Variants in SLC9C2 observed in about 807,000 individuals in gnomAD.
The protein encoded by SLC9C2 is solute carrier family 9 member C2 (putative).
A neutral mutation model predicts 140.2 loss-of-function variants in SLC9C2; 75 were observed. The ratio of observed to expected loss-of-function variants is 0.53; its 90% confidence interval spans 0.44 to 0.65. The LOEUF is 0.65. Ranked by LOEUF, SLC9C2 falls within the 30% of genes least tolerant of loss-of-function variation. The pLI is 0.00. For synonymous variants in SLC9C2, 375 were observed against 420.9 expected (o/e 0.89, Z 1.34); for missense variants, 1,074 against 1,331.8 (o/e 0.81, Z 3.01).
Position 173,521,399 on chromosome 1 carries a change from C to G in SLC9C2, c.2641G>C (p.Glu881Gln). The change falls in exon 22 of 28, where the codon GAA (glutamate) becomes CAA (glutamine). Residue 881 changes from glutamate to glutamine, a missense_variant and splice_region_variant. Glu to Gln is a conservative substitution (Grantham distance 29). Transcript: ENST00000367714. ...TCAAAACAGGCAAGTTTGGCTCTTT[C>G]CTGAGTGGGAAAAAAAAAAACGAAA... ...GKDVLIDFFK[E>Q]RAKLACFDSG... 2 of 1,469,568 alleles carry G rather than the reference C, an allele frequency of 1.4e-6. No individual in the cohort carries two copies. The highest frequency in any genetic ancestry group is 1.5e-5 in the South Asian group (1 of 65,072). 91.0% of individuals were successfully genotyped at this position (1,469,568 alleles called of 1,614,324 possible).
rs1662884299 is a variant in SLC9C2 at position 173,546,837 on chromosome 1, A to G, written c.1557+852T>C. 2.0e-5 allele frequency among the ~76,000 whole-genome samples: 3 copies of G among 152,184 alleles called. No individual in the cohort carries two copies. In the South Asian group the frequency reaches 6.2e-4, roughly 32 times the overall value. On this transcript the variant is annotated intron_variant, in intron 13 of 27. Transcript: ENST00000367714. ...GGAATTATTGTTCACTTTTAAGTAT[A>G]ATGTTAGTATTTTATGTTTTTAAAA...
chr1:173,507,138 G>A (rs1412581755), intron 24 of SLC9C2, 97 bp from the exon 25 acceptor site: 8 of 972,298 alleles, frequency 8.2e-6, no homozygotes, highest in East Asian at 2.5e-5. Flanking sequence ...TTATTTGAGG[G>A]TGTCAGAAGG....
chr1:173,537,378 C>T (rs7556180), intron 13 of SLC9C2, among the ~76,000 whole-genome samples: 52,335 of 151,696 alleles, frequency 0.34, 11,150 homozygotes, highest in East Asian at 0.65. Context: ...CTGGGCAACA[C>T]GGTGAAACCC....
chr1:173,539,237 G>T (rs897141514), intron 13 of SLC9C2, among the ~76,000 whole-genome samples: 1 of 152,164 alleles, frequency 6.6e-6, no homozygotes, highest in African/African-American at 2.4e-5. Flanking sequence ...AAGCAGGAAG[G>T]AGGTATAGTC....
chr1:173,560,488 C>T (rs949577191), intron 9 of SLC9C2, among the ~76,000 whole-genome samples: 1 of 152,232 alleles, frequency 6.6e-6, no homozygotes, highest in Non-Finnish European at 1.5e-5. Flanking sequence ...TCCCTTGTCT[C>T]AGTGTGGGAT....
chr1:173,563,591 G>A (rs1388378757), intron 9 of SLC9C2, among the ~76,000 whole-genome samples: 2 of 152,146 alleles, frequency 1.3e-5, no homozygotes, highest in South Asian at 2.1e-4. Flanking sequence ...TACAGAGTAG[G>A]TGTGTGTATT....
intron 22 of SLC9C2, among the ~76,000 whole-genome samples, chr1:173,519,569 T>C (rs1660656927): frequency 6.6e-6 from 1 of 152,236 alleles, no homozygotes; most frequent in Non-Finnish European, 1.5e-5. Context: ...CAGACATTAT[T>C]GGACTATAGT....
chr1:173,545,838 T>C (rs1245328157), intron 13 of SLC9C2, among the ~76,000 whole-genome samples: 1 of 152,200 alleles, frequency 6.6e-6, no homozygotes, highest in East Asian at 1.9e-4. Flanking sequence ...ACCCCTTGAA[T>C]TGAGGCAGCC....
At chr1:173,573,376 T>C in intron 8 of SLC9C2, 51 bp from the exon 9 acceptor site, 1 of 1,286,620 alleles carries the variant, frequency 7.8e-7, no homozygotes. Context: ...CTTAAAAATA[T>C]ATTTTCCTTT....
Position 173,534,614 on chromosome 1 carries a change from ATC to A in SLC9C2, c.1842_1843del (p.Gln614HisfsTer71). ...AGGATAAATATATATCAAATTTATA[ATC>A]TGTCCTGTATATTCAAATTCTTCAG... On this transcript the variant is annotated frameshift_variant, in exon 16 of 28. Coordinates refer to ENST00000367714, the MANE Select transcript of SLC9C2 (RefSeq NM_178527.4). LOFTEE classifies it high-confidence loss of function. 6.3e-7 allele frequency: 1 copy of A among 1,583,278 alleles called. No homozygotes were observed. The highest frequency in any genetic ancestry group is 8.6e-7 in the Non-Finnish European group (1 of 1,166,260).
rs74345758 is a variant in SLC9C2, at chr1:173,551,660, A to G, written c.1297+3073T>C. On this transcript the variant is annotated intron_variant, in intron 11 of 27. Coordinates refer to ENST00000367714, the MANE Select transcript of SLC9C2 (RefSeq NM_178527.4). Reference sequence around the variant, plus strand: ...AATGTAATTGCGTTGGGGCACCACAAACTGCACCCACATAGGACAACAATC... The same window carrying G: ...AATGTAATTGCGTTGGGGCACCACAGACTGCACCCACATAGGACAACAATC... Among the ~76,000 whole-genome samples the G allele has an allele frequency of 1.1e-3, 165 of 152,270 alleles. 2 individuals are homozygous for G. Among genetic ancestry groups the G allele is most frequent in the East Asian group, 8.5e-3 (44 of 5,190 alleles).
At chr1:173,502,739 G>A (rs1318849706) in intron 27 of SLC9C2, among the ~76,000 whole-genome samples, 1 of 152,182 alleles carries the variant, frequency 6.6e-6, no homozygotes, top group African/African-American at 2.4e-5. Context: ...ATGCAAATTT[G>A]TCATCCTACT....
chr1:173,598,636 C>T (rs939336433), intron 3 of SLC9C2, among the ~76,000 whole-genome samples: 3 of 152,216 alleles, frequency 2.0e-5, no homozygotes, highest in Admixed American at 6.5e-5. Flanking sequence ...AATAGTTTAA[C>T]TTTCATTACT....
chr1:173,518,673 G>C (rs960469211), intron 22 of SLC9C2, among the ~76,000 whole-genome samples: 1 of 152,154 alleles, frequency 6.6e-6, no homozygotes, highest in African/African-American at 2.4e-5. Context: ...AAACATCAAA[G>C]AGGAAGGTTC....
intron 7 of SLC9C2, among the ~76,000 whole-genome samples, chr1:173,577,550 A>G (rs1347051365): frequency 6.6e-6 from 1 of 152,210 alleles, no homozygotes; most frequent in Non-Finnish European, 1.5e-5. Context: ...AGGAAGACAA[A>G]GAACATGAAA....
intron 11 of SLC9C2, among the ~76,000 whole-genome samples, chr1:173,553,430 G>A (rs1663457856): frequency 6.6e-6 from 1 of 152,210 alleles, no homozygotes; most frequent in South Asian, 2.1e-4. Context: ...AATCTTTCAT[G>A]AAAGGAAGAG....
chr1:173,547,193 A>G (rs1480803450), intron 13 of SLC9C2, among the ~76,000 whole-genome samples: 1 of 152,086 alleles, frequency 6.6e-6, no homozygotes, highest in Admixed American at 6.6e-5. Context: ...AAGCTGGTAT[A>G]AACTTGATTT....
At chr1:173,557,560 T>C (rs776072190) in intron 9 of SLC9C2, 52 bp from the exon 10 acceptor site, 2 of 1,523,110 alleles carry the variant, frequency 1.3e-6, no homozygotes, top group Non-Finnish European at 1.8e-6. Context: ...ATTAATGTTA[T>C]TCATAGTTGA....
chr1:173,591,132 T>C (rs1168833583), intron 4 of SLC9C2, among the ~76,000 whole-genome samples: 1 of 152,182 alleles, frequency 6.6e-6, no homozygotes, highest in Non-Finnish European at 1.5e-5. Flanking sequence ...CATGCAGTAT[T>C]TGGTTTTCTG....
Sources: gnomAD v4.1 joint callset for allele counts (sites outside exome capture counted in the v4.1 genomes callset) on GRCh38, gnomAD v4.1.1 for gene constraint, MANE v1.5 for transcripts, NCBI Gene and HGNC (gene_info 2026-07-23, HGNC 2026-07-21) for gene names.